Variants in PARD3B observed in about 807,000 individuals in gnomAD.
The protein encoded by PARD3B is partitioning defective 3 homolog B.
Under a neutral mutation model 130.2 loss-of-function variants are expected in PARD3B, and 103 were observed. The observed-to-expected ratio is 0.79, with a 90% CI of 0.67 to 0.93. PARD3B has a LOEUF of 0.93. PARD3B is among the 40% of genes least tolerant of loss of function. The probability of loss-of-function intolerance (pLI) is 0.00; values close to 1 mark genes in which losing one functional copy is unlikely to be tolerated. For missense variants in PARD3B, 1,609 were observed against 1,499.2 expected (o/e 1.07, Z -1.21); for synonymous variants, 583 against 553.2 (o/e 1.05, Z -0.76).
chr2:205,406,820 G>A (rs918486645), intron 19 of PARD3B, among the ~76,000 whole-genome samples: 3 of 151,664 alleles, frequency 2.0e-5, no homozygotes, highest in African/African-American at 2.4e-5. Flanking sequence ...ACAGGCACGC[G>A]CCACCATGCC....
chr2:204,833,663 TCTGTCTC>T (rs2043916391), intron 2 of PARD3B, among the ~76,000 whole-genome samples: 1 of 152,092 alleles, frequency 6.6e-6, no homozygotes, highest in African/African-American at 2.4e-5. Flanking sequence ...CTGCACAAGT[TCTGTCTC>T]GTCTGCCAGC....
At chr2:205,145,409 T>G (rs2033282932) in intron 10 of PARD3B, among the ~76,000 whole-genome samples, 4 of 152,154 alleles carry the variant, frequency 2.6e-5, no homozygotes, top group Admixed American at 2.6e-4. Flanking sequence ...AAGACTCAAT[T>G]CTACAAATTT....
chr2:204,754,449 CCT>C (rs1388846488), intron 2 of PARD3B, among the ~76,000 whole-genome samples: 1 of 152,084 alleles, frequency 6.6e-6, no homozygotes, highest in Admixed American at 6.6e-5. Context: ...AGTTGTTTAA[CCT>C]CTTTGTGCCT....
At chr2:205,613,309 C>A (rs2055304439) in intron 22 of PARD3B, among the ~76,000 whole-genome samples, 1 of 152,170 alleles carries the variant, frequency 6.6e-6, no homozygotes, top group Non-Finnish European at 1.5e-5. Flanking sequence ...AGAGAAATAT[C>A]TTCAGTGGAT....
chr2:204,640,718 C>T (rs1173623216), intron 1 of PARD3B, among the ~76,000 whole-genome samples: 1 of 152,040 alleles, frequency 6.6e-6, no homozygotes, highest in African/African-American at 2.4e-5. Flanking sequence ...AGGTCCCTGA[C>T]TGATAGACCA....
intron 2 of PARD3B, among the ~76,000 whole-genome samples, chr2:204,830,095 C>G (rs1219316705): frequency 6.6e-6 from 1 of 151,816 alleles, no homozygotes. Context: ...TTCCTCTTTG[C>G]CTTTCTACCA....
At chr2:204,926,775 A>G (rs1243225548) in intron 2 of PARD3B, among the ~76,000 whole-genome samples, 2 of 152,128 alleles carry the variant, frequency 1.3e-5, no homozygotes, top group African/African-American at 4.8e-5. Flanking sequence ...TAAATATTCA[A>G]TTGTATAGCA....
intron 16 of PARD3B, among the ~76,000 whole-genome samples, chr2:205,285,199 T>G (rs903146756): frequency 6.6e-6 from 1 of 152,132 alleles, no homozygotes; most frequent in Non-Finnish European, 1.5e-5. Flanking sequence ...GTAATGATAT[T>G]ACCCCTCTGT....
At chr2:205,305,609 T>C (rs190222068) in intron 18 of PARD3B, among the ~76,000 whole-genome samples, 1 of 152,326 alleles carries the variant, frequency 6.6e-6, no homozygotes, top group East Asian at 1.9e-4. Context: ...AATTTTGTCT[T>C]TGAAGGGATG....
At chr2:204,644,606 T>C (rs918840706) in intron 1 of PARD3B, among the ~76,000 whole-genome samples, 12 of 152,230 alleles carry the variant, frequency 7.9e-5, no homozygotes, top group African/African-American at 2.9e-4. Flanking sequence ...ATTTAAATTT[T>C]AAAATATTTT....
At chr2:205,205,870 G>T (rs1052273970) in intron 15 of PARD3B, among the ~76,000 whole-genome samples, 1 of 152,136 alleles carries the variant, frequency 6.6e-6, no homozygotes, top group African/African-American at 2.4e-5. Context: ...GAGGATTTTT[G>T]CATCGATGTT....
Position 205,011,340 on chromosome 2 carries a change from A to C in PARD3B, c.395-36241A>C, listed in dbSNP as rs1421077337. Among the ~76,000 whole-genome samples the C allele has an allele frequency of 6.6e-6, 1 of 152,114 alleles. No homozygotes were observed. The highest frequency in any genetic ancestry group is 1.5e-5 in the Non-Finnish European group (1 of 68,018). On this transcript the variant is annotated intron_variant, in intron 3 of 22. Coordinates refer to ENST00000406610, the MANE Select transcript of PARD3B (RefSeq NM_001302769.2). This position sits in a 1 kb window ranked among gnomAD's most constrained non-coding sequence, Gnocchi z 4.1. ...TCAGAGGGCTCACTCCTCAGCTCAC[A>C]TGTGTGGGTGCTGGCAGTCCTAATT... is the stretch of plus-strand genomic sequence containing the variant.
chr2:204,998,967 T>C (rs1167546951), intron 3 of PARD3B, among the ~76,000 whole-genome samples: 1 of 152,154 alleles, frequency 6.6e-6, no homozygotes, highest in Admixed American at 6.5e-5. Flanking sequence ...AGTGCTGGGA[T>C]TACAGGCGTG....
chr2:205,299,473 TGGC>T (rs2041912035), intron 16 of PARD3B, among the ~76,000 whole-genome samples: 1 of 152,060 alleles, frequency 6.6e-6, no homozygotes. Context: ...ACATGAGCTG[TGGC>T]CCTGGTGGAA....
At chr2:204,641,758 T>C (rs1354779624) in intron 1 of PARD3B, among the ~76,000 whole-genome samples, 2 of 152,218 alleles carry the variant, frequency 1.3e-5, no homozygotes, top group Admixed American at 1.3e-4. Context: ...GTGTTTAGAA[T>C]GCTGAAAATA....
intron 2 of PARD3B, among the ~76,000 whole-genome samples, chr2:204,935,517 T>A (rs185252786): frequency 1.3e-5 from 2 of 151,634 alleles, no homozygotes; most frequent in South Asian, 4.2e-4. Flanking sequence ...CCAGCCTGAG[T>A]GACAGAGCAA....
intron 1 of PARD3B, among the ~76,000 whole-genome samples, chr2:204,656,975 G>GGATACCCAGA (rs536409599): frequency 7.5e-4 from 114 of 152,290 alleles, no homozygotes; most frequent in African/African-American, 2.6e-3. Context: ...AGATCATGAT[G>GGATACCCAGA]TCTCTGGATA....
At chr2:205,295,869 A>T (rs1351908525) in intron 16 of PARD3B, among the ~76,000 whole-genome samples, 2 of 152,114 alleles carry the variant, frequency 1.3e-5, no homozygotes, top group Non-Finnish European at 2.9e-5. Flanking sequence ...ACATATATAT[A>T]CCTGTGTCAA....
At chr2:205,467,253 G>A (rs1465512721) in intron 20 of PARD3B, among the ~76,000 whole-genome samples, 1 of 152,162 alleles carries the variant, frequency 6.6e-6, no homozygotes, top group East Asian at 1.9e-4. Flanking sequence ...GTTTCCGTGG[G>A]GCTTGGTTTG....
Sources: allele counts gnomAD v4.1 joint callset (sites outside exome capture counted in the v4.1 genomes callset), GRCh38; gene constraint gnomAD v4.1.1; non-coding constraint Gnocchi (gnomAD v3.1); transcripts MANE v1.5; gene names NCBI Gene and HGNC (gene_info 2026-07-23, HGNC 2026-07-21).